The following SOS1 variants were observed in gnomAD, a reference collection of about 807,000 sequenced individuals.
SOS1 encodes the protein son of sevenless homolog 1.
Under a neutral mutation model 157.6 loss-of-function variants are expected in SOS1, and 25 were observed. That is an observed-to-expected ratio of 0.16 (90% confidence interval 0.12 to 0.22). The LOEUF is 0.22. SOS1 is among the 10% of genes least tolerant of loss of function. SOS1 has a pLI of 1.00. For missense variants in SOS1, 1,237 were observed against 1,599.1 expected, an observed-to-expected ratio of 0.77 and a Z score of 3.86; for synonymous variants, 528 against 534.0, an observed-to-expected ratio of 0.99 and a Z score of 0.16.
intron 6 of SOS1, among the ~76,000 whole-genome samples, chr2:39,049,816 C>T (rs1454219): frequency 0.87 from 132,639 of 152,208 alleles, 57,933 homozygotes; most frequent in Non-Finnish European, 0.91. Flanking sequence ...TGTCTCCCCA[C>T]ATCAAGTCCA....
intron 2 of SOS1, among the ~76,000 whole-genome samples, chr2:39,065,626 T>C (rs1312293876): frequency 1.3e-5 from 2 of 152,296 alleles, no homozygotes; most frequent in East Asian, 3.9e-4. Context: ...CCCTTTTCTC[T>C]CCATGTTTTT....
At chr2:39,069,634 G>A (rs1264721261) in intron 1 of SOS1, among the ~76,000 whole-genome samples, 3 of 150,448 alleles carry the variant, frequency 2.0e-5, no homozygotes, top group African/African-American at 7.4e-5. Flanking sequence ...TGCAACCTCC[G>A]CCTCCTGGGT....
Position 39,003,080 on chromosome 2 carries a change from A to G in SOS1, c.2791+3332T>C, listed in dbSNP as rs944718895. Among the ~76,000 whole-genome samples, 97 of 151,876 alleles carry G rather than the reference A, an allele frequency of 6.4e-4. 1 individual carries two copies. The highest frequency in any genetic ancestry group is 2.0e-3 in the African/African-American group (83 of 41,390). ...AGACCTTGTATCAAAAAAAAAAAAG[A>G]ACGTAGGGGTAGGGGAAAAGTCCTC... On this transcript the variant is annotated intron_variant, in intron 17 of 22. Coordinates refer to ENST00000402219, the MANE Select transcript of SOS1 (RefSeq NM_005633.4).
intron 8 of SOS1, among the ~76,000 whole-genome samples, chr2:39,029,177 G>T (rs751495218): frequency 6.6e-6 from 1 of 152,068 alleles, no homozygotes; most frequent in East Asian, 1.9e-4. Flanking sequence ...TAATTAAAAC[G>T]AAATTTCAAT....
chr2:39,075,568 C>G (rs932514285), intron 1 of SOS1, among the ~76,000 whole-genome samples: 2 of 151,888 alleles, frequency 1.3e-5, no homozygotes, highest in African/African-American at 2.4e-5. Context: ...ACTTGGGAGG[C>G]TGAAACAGGA....
chr2:39,031,602 C>T (rs1263211514), intron 8 of SOS1, among the ~76,000 whole-genome samples: 1 of 151,792 alleles, frequency 6.6e-6, no homozygotes, highest in African/African-American at 2.4e-5. Flanking sequence ...TAGTGGCGGG[C>T]GTCTGTAATT....
chr2:39,030,310 C>G (rs935035608), intron 8 of SOS1, among the ~76,000 whole-genome samples: 3 of 148,568 alleles, frequency 2.0e-5, no homozygotes, highest in African/African-American at 7.5e-5. Flanking sequence ...ATGCCATTAA[C>G]CCCAGCACTT....
At chr2:39,123,399 G>A (rs1368636174), upstream of SOS1, among the ~76,000 whole-genome samples, 2 of 139,784 alleles carry the variant, frequency 1.4e-5, no homozygotes, top group Admixed American at 7.5e-5. Context: ...TCATTTTGTT[G>A]CCCAGGCTAG....
chr2:39,113,155 C>T (rs1201155565), intron 1 of SOS1, among the ~76,000 whole-genome samples: 1 of 152,048 alleles, frequency 6.6e-6, no homozygotes, highest in Non-Finnish European at 1.5e-5. Context: ...GAAAAGATGT[C>T]ATCACCCCTG....
At position 38,997,245 on chromosome 2, in the gene SOS1, C is replaced by A; in HGVS notation, c.2964+8G>T. On this transcript the variant is annotated splice_region_variant and intron_variant, in intron 18 of 22. Transcript: ENST00000402219. Reference sequence around the variant, plus strand: ...CAGAAGTATGAATCTTTAAATAATTCAACTTACTTTGATATCTGATTCTAC... The same window carrying A: ...CAGAAGTATGAATCTTTAAATAATTAAACTTACTTTGATATCTGATTCTAC... The A allele has an allele frequency of 6.3e-7, 1 of 1,595,136 alleles. No homozygotes were observed. Among genetic ancestry groups the A allele is most frequent in the South Asian group, 1.1e-5 (1 of 90,192 alleles).
intron 1 of SOS1, among the ~76,000 whole-genome samples, chr2:39,094,945 GAAGCTCCC>G (rs1294998924): frequency 6.6e-6 from 1 of 152,102 alleles, no homozygotes; most frequent in Non-Finnish European, 1.5e-5. Context: ...TAGATGGAGA[GAAGCTCCC>G]AAGAGAAATC....
chr2:39,122,155 C>T (rs1044512844), upstream of SOS1, among the ~76,000 whole-genome samples: 19 of 152,150 alleles, frequency 1.2e-4, no homozygotes, highest in African/African-American at 4.6e-4. Context: ...GCCGGCCAGG[C>T]GAGGTGGCTC....
At chr2:39,006,569 T>G (rs1319915512) in intron 16 of SOS1, 40 bp from the exon 17 acceptor site, 1 of 1,006,610 alleles carries the variant, frequency 9.9e-7, no homozygotes, top group South Asian at 1.3e-5. Flanking sequence ...ACAAAAGGAA[T>G]CAAAGGTCTT....
chr2:39,012,026 G>C, intron 14 of SOS1, 100 bp downstream of exon 14: 1 of 892,042 alleles, frequency 1.1e-6, no homozygotes, highest in Middle Eastern at 2.6e-4. Context: ...TAATATTTCA[G>C]TTAAGTCTTA....
In SOS1 at chr2:39,006,470, G is replaced by A; in HGVS notation, c.2733C>T (p.His911=). 1 of 1,609,562 alleles carries A rather than the reference G, an allele frequency of 6.2e-7. No homozygotes were observed. Among genetic ancestry groups the A allele is most frequent in the Non-Finnish European group, 8.5e-7 (1 of 1,176,242 alleles). Residue 911 remains histidine (H), a synonymous_variant, in exon 17 of 23, where the codon CAC becomes CAT. Coordinates refer to ENST00000402219, the MANE Select transcript of SOS1 (RefSeq NM_005633.4). The part of the protein sequence containing the change: ...LEEAHELSED[H]YKKYLAKLRS... ...TGAGTTTTGCCAAATATTTCTTATAGTGATCTTCACTCAATTCATGAGCTT... is the reference window on the plus strand; with the variant it reads ...TGAGTTTTGCCAAATATTTCTTATAATGATCTTCACTCAATTCATGAGCTT...
At chr2:39,025,773 A>C (rs937327452) in intron 8 of SOS1, among the ~76,000 whole-genome samples, 1 of 152,202 alleles carries the variant, frequency 6.6e-6, no homozygotes, top group Non-Finnish European at 1.5e-5. Context: ...TTCTGCTTCA[A>C]TTGATAAAAA....
intron 20 of SOS1, 126 bp from the exon 21 acceptor site, chr2:38,989,440 T>C: frequency 1.5e-6 from 1 of 687,842 alleles, no homozygotes; most frequent in Non-Finnish European, 2.7e-6. Context: ...TGTAACAGTT[T>C]ATAGTAAAAC....
chr2:39,067,444 T>A (rs1671627263), intron 2 of SOS1, among the ~76,000 whole-genome samples, 184 bp downstream of exon 2: 1 of 151,908 alleles, frequency 6.6e-6, no homozygotes, highest in Middle Eastern at 3.4e-3. Flanking sequence ...AACCTCAAAA[T>A]CTAAAACACT....
chr2:39,076,990 G>A (rs1672027723), intron 1 of SOS1, among the ~76,000 whole-genome samples: 1 of 152,106 alleles, frequency 6.6e-6, no homozygotes, highest in African/African-American at 2.4e-5. Context: ...ATTTTTTAAT[G>A]ATAGTTGCAA....
Sources: gnomAD v4.1 joint callset for allele counts (sites outside exome capture counted in the v4.1 genomes callset) on GRCh38, gnomAD v4.1.1 for gene constraint, MANE v1.5 for transcripts, NCBI Gene and HGNC (gene_info 2026-07-23, HGNC 2026-07-21) for gene names.